The following ZNF704 variants were observed in gnomAD, a reference collection of about 807,000 sequenced individuals.
The protein encoded by ZNF704 is zinc finger protein 704, also known as glucocorticoid induced gene 1.
A neutral mutation model predicts 44.7 loss-of-function variants in ZNF704; 10 were observed. The ratio of observed to expected loss-of-function variants is 0.22; its 90% confidence interval spans 0.14 to 0.38. ZNF704 has a LOEUF of 0.38. Among genes scored for constraint, ZNF704 ranks in the 10% least tolerant of loss-of-function variants. ZNF704 has a pLI of 1.00. For missense variants in ZNF704, 390 were observed against 545.5 expected (o/e 0.71, Z 2.84); for synonymous variants, 211 against 207.6 (o/e 1.02, Z -0.14).
Position 80,641,350 on chromosome 8 carries a change from T to G in ZNF704, c.*16A>C. On this transcript the variant is annotated 3_prime_UTR_variant, in exon 9 of 9. Transcript: ENST00000327835. ...GGAGCGGCTCAGGGCCCTGAGCCCC[T>G]CTGCCTGGGGGTCTCTCAGTCGAGG... is the stretch of plus-strand genomic sequence containing the variant. The G allele has an allele frequency of 1.4e-6, 2 of 1,422,900 alleles. No individual in the cohort carries two copies. Among genetic ancestry groups the G allele is most frequent in the Non-Finnish European group, 1.9e-6 (2 of 1,036,852 alleles). 88.1% of individuals were successfully genotyped at this position (1,422,900 alleles called of 1,614,324 possible).
intron 2 of ZNF704, among the ~76,000 whole-genome samples, chr8:80,779,751 G>A (rs1807479193): frequency 6.6e-6 from 1 of 151,562 alleles, no homozygotes; most frequent in African/African-American, 2.4e-5. Context: ...TTTTCTTACT[G>A]GTTATAAACT....
Position 80,688,921 on chromosome 8 carries a change from T to C in ZNF704, c.326-1463A>G, listed in dbSNP as rs1279105677. Among the ~76,000 whole-genome samples, 5 of 139,220 alleles carry C rather than the reference T, an allele frequency of 3.6e-5. No individual in the cohort carries two copies. The East Asian group carries it at 1.0e-3, about 29-fold the overall frequency. 91.3% of individuals were successfully genotyped at this position (139,220 alleles called of 152,430 possible). A position where few individuals can be genotyped will look rare whatever the true frequency, so the allele number is the denominator to read the frequency against. ...TTGCAGTGAGCTGACATGGTGCCACTGCACTCCAGCCTGGGCAACAGAGTG... is the reference window on the plus strand; with the variant it reads ...TTGCAGTGAGCTGACATGGTGCCACCGCACTCCAGCCTGGGCAACAGAGTG... On this transcript the variant is annotated intron_variant, in intron 3 of 8. Transcript: ENST00000327835.
intron 2 of ZNF704, among the ~76,000 whole-genome samples, chr8:80,730,194 A>T (rs1444033097): frequency 6.6e-6 from 1 of 152,154 alleles, no homozygotes; most frequent in African/African-American, 2.4e-5. Flanking sequence ...AAAAGAAGAA[A>T]CACGTGTGTC....
At chr8:80,776,001 G>A (rs1221797563) in intron 2 of ZNF704, among the ~76,000 whole-genome samples, 4 of 152,044 alleles carry the variant, frequency 2.6e-5, no homozygotes, top group African/African-American at 7.2e-5. Context: ...CAAAAACTTC[G>A]CACTTCAAAA....
intron 2 of ZNF704, among the ~76,000 whole-genome samples, chr8:80,789,814 GAAGT>G (rs1445910109): frequency 6.6e-6 from 1 of 152,070 alleles, no homozygotes; most frequent in African/African-American, 2.4e-5. Flanking sequence ...GCAATAAAAT[GAAGT>G]AAGTACCTTC....
At chr8:80,667,731 C>T (rs1818217845) in intron 5 of ZNF704, among the ~76,000 whole-genome samples, 1 of 152,184 alleles carries the variant, frequency 6.6e-6, no homozygotes, top group Non-Finnish European at 1.5e-5. Context: ...GTTGTTGTGG[C>T]ACAGTGATTA....
At position 80,729,013 on chromosome 8, in the gene ZNF704, C is replaced by T. The variant is rs200167854; in HGVS notation, c.222-35906G>A. Among the ~76,000 whole-genome samples, 10 of 152,134 alleles carry T rather than the reference C, an allele frequency of 6.6e-5. No homozygotes were observed. The East Asian group carries it at 9.6e-4, about 15-fold the overall frequency. On this transcript the variant is annotated intron_variant, in intron 2 of 8. Transcript: ENST00000327835. ...CCGTTATGAAAATATTTAAGGAAGA[C>T]GAAGGAACAAACGGAATACACCTGC...
intron 2 of ZNF704, among the ~76,000 whole-genome samples, chr8:80,701,675 A>G (rs563874774): frequency 6.6e-6 from 1 of 152,330 alleles, no homozygotes; most frequent in African/African-American, 2.4e-5. Context: ...GTGATTACAG[A>G]TACAAGAGGG....
chr8:80,829,282 G>A (rs761663687), intron 1 of ZNF704, among the ~76,000 whole-genome samples: 47 of 152,100 alleles, frequency 3.1e-4, no homozygotes, highest in Non-Finnish European at 5.7e-4. Context: ...AATGCACTGC[G>A]TAACTCTCTC....
At chr8:80,764,367 G>A (rs997673186) in intron 2 of ZNF704, among the ~76,000 whole-genome samples, 1 of 152,118 alleles carries the variant, frequency 6.6e-6, no homozygotes, top group Non-Finnish European at 1.5e-5. Flanking sequence ...TTTGCATGAC[G>A]GCAAGAGAGA....
chr8:80,811,037 T>C (rs1808072904), intron 2 of ZNF704, among the ~76,000 whole-genome samples: 1 of 152,224 alleles, frequency 6.6e-6, no homozygotes, highest in Admixed American at 6.5e-5. Flanking sequence ...AACCACTGCC[T>C]TTGGGATAAA....
intron 2 of ZNF704, among the ~76,000 whole-genome samples, chr8:80,784,179 G>T (rs1807578513): frequency 6.6e-6 from 1 of 152,136 alleles, no homozygotes; most frequent in African/African-American, 2.4e-5. Context: ...ACTGAAGGAC[G>T]TCATTGCTTC....
chr8:80,769,180 C>T (rs990658002), intron 2 of ZNF704, among the ~76,000 whole-genome samples: 1 of 152,138 alleles, frequency 6.6e-6, no homozygotes, highest in African/African-American at 2.4e-5. Flanking sequence ...CTAGTTCTTG[C>T]TGGAGAGAAT....
intron 2 of ZNF704, among the ~76,000 whole-genome samples, chr8:80,766,249 G>C (rs1018671273): frequency 1.3e-5 from 2 of 151,894 alleles, no homozygotes; most frequent in African/African-American, 4.8e-5. Flanking sequence ...TTTTAATGTG[G>C]GGCAGAAGAG....
upstream of ZNF704, among the ~76,000 whole-genome samples, chr8:80,877,830 G>C (rs1297493544): frequency 6.6e-6 from 1 of 152,192 alleles, no homozygotes; most frequent in African/African-American, 2.4e-5. Flanking sequence ...TGATTTTGTG[G>C]AGGCATTAAG....
chr8:80,762,485 T>C lies in ZNF704; in HGVS notation c.221+58889A>G, dbSNP rs1206468415. Among the ~76,000 whole-genome samples, 3 of 152,046 alleles carry C rather than the reference T, an allele frequency of 2.0e-5. No homozygotes were observed. In the East Asian group the frequency reaches 5.8e-4, roughly 29 times the overall value. On this transcript the variant is annotated intron_variant, in intron 2 of 8. Coordinates refer to ENST00000327835, the MANE Select transcript of ZNF704 (RefSeq NM_001033723.3). The stretch of plus-strand genomic sequence containing the variant: ...GCCAGATGCTTATAAAACCATCAGA[T>C]CTCATGAGAACCCACTCACTGTCAC...
At chr8:80,863,999 G>A (rs567701145) in intron 1 of ZNF704, among the ~76,000 whole-genome samples, 2 of 152,190 alleles carry the variant, frequency 1.3e-5, no homozygotes, top group Middle Eastern at 6.8e-3. Flanking sequence ...TTCCACACTA[G>A]ACCCATCGTG....
At chr8:80,737,126 T>C (rs1015447481) in intron 2 of ZNF704, among the ~76,000 whole-genome samples, 2 of 152,224 alleles carry the variant, frequency 1.3e-5, no homozygotes, top group African/African-American at 4.8e-5. Context: ...TTGCTAACCA[T>C]GTTTCATCTC....
At chr8:80,759,632 T>C (rs1807095294) in intron 2 of ZNF704, among the ~76,000 whole-genome samples, 1 of 152,112 alleles carries the variant, frequency 6.6e-6, no homozygotes, top group African/African-American at 2.4e-5. Flanking sequence ...CAATAGCAGC[T>C]AGGAATTAAG....
Sources: gnomAD v4.1 joint callset for allele counts (sites outside exome capture counted in the v4.1 genomes callset) on GRCh38, gnomAD v4.1.1 for gene constraint, MANE v1.5 for transcripts, NCBI Gene and HGNC (gene_info 2026-07-23, HGNC 2026-07-21) for gene names.